GCC2: variants seen among roughly 807,000 people sequenced by gnomAD.
The protein encoded by GCC2 is GRIP and coiled-coil domain-containing protein 2.
GCC2 carries 120 observed loss-of-function variants against 210.6 expected under a neutral mutation model. The observed-to-expected ratio is 0.57, with a 90% confidence interval of 0.49 to 0.66. GCC2 has a LOEUF of 0.66. Among genes scored for constraint, GCC2 ranks in the 30% least tolerant of loss-of-function variants. The probability of loss-of-function intolerance (pLI) is 0.00; values close to 1 mark genes in which losing one functional copy is unlikely to be tolerated. For synonymous variants in GCC2, 703 were observed against 652.7 expected, an observed-to-expected ratio of 1.08 and a Z score of -1.17; for missense variants, 1,868 against 1,871.9, an observed-to-expected ratio of 1.00 and a Z score of 0.04.
chr2:108,495,503 AAT>A lies in GCC2; in HGVS notation c.4642+21_4642+22del. ...TAAACTTGGTATGTTACTCTGTCTA[AAT>A]ATGTTTTTCTTATTTAATTTCACTG... is the stretch of plus-strand genomic sequence containing the variant. On this transcript the variant is annotated intron_variant, in intron 20 of 22. Coordinates refer to ENST00000309863, the MANE Select transcript of GCC2 (RefSeq NM_181453.4). The A allele has an allele frequency of 6.6e-7, 1 of 1,519,800 alleles. No homozygotes were observed. The allele number at this position is 1,519,800 out of a possible 1,614,324, so 94.1% of individuals were successfully genotyped here.
intron 9 of GCC2, among the ~76,000 whole-genome samples, chr2:108,480,792 A>T (rs1208975188): frequency 1.3e-5 from 2 of 152,190 alleles, no homozygotes; most frequent in Non-Finnish European, 2.9e-5. Context: ...AGGAAAAATA[A>T]CTAATGGGTA....
Position 108,497,126 on chromosome 2 carries a change from T to A in GCC2, c.4782+17T>A. The A allele has an allele frequency of 1.9e-6, 3 of 1,611,920 alleles. No individual in the cohort carries two copies. Among genetic ancestry groups the A allele is most frequent in the Non-Finnish European group, 1.7e-6 (2 of 1,179,820 alleles). On this transcript the variant is annotated intron_variant, in intron 21 of 22. Coordinates refer to ENST00000309863, the MANE Select transcript of GCC2 (RefSeq NM_181453.4). ...CAAATTAAGGTGAGATCAGAAAACCTGGCCGCCGTGAAAACCGCCAGTTTG... is the reference window on the plus strand; with the variant it reads ...CAAATTAAGGTGAGATCAGAAAACCAGGCCGCCGTGAAAACCGCCAGTTTG...
Position 108,449,393 on chromosome 2 carries a change from C to T in GCC2, c.6+113C>T. The stretch of plus-strand genomic sequence containing the variant: ...AGTCTCCCTCTTGGTGTCCCGAAGC[C>T]CGCGCTGCTGTCGCCTCCCCATCTT... On this transcript the variant is annotated intron_variant, in intron 1 of 22. Transcript: ENST00000309863. 4 of 1,466,248 alleles carry T rather than the reference C, an allele frequency of 2.7e-6. No individual in the cohort carries two copies. In the East Asian group the frequency reaches 7.5e-5, roughly 28 times the overall value. The allele number at this position is 1,466,248 out of a possible 1,614,324, so 90.8% of individuals were successfully genotyped here.
At chr2:108,461,672 T>C (rs1480336350) in intron 4 of GCC2, among the ~76,000 whole-genome samples, 2 of 151,288 alleles carry the variant, frequency 1.3e-5, no homozygotes, top group Non-Finnish European at 2.9e-5. Context: ...CCAGCTAATT[T>C]TTTGTATTTT....
At chr2:108,472,695 T>C in intron 6 of GCC2, 132 bp from the exon 7 acceptor site, 1 of 617,620 alleles carries the variant, frequency 1.6e-6, no homozygotes. Flanking sequence ...GTTGACCAAA[T>C]TGGTTTCTGT....
At chr2:108,465,544 C>A (rs1680836905) in intron 4 of GCC2, among the ~76,000 whole-genome samples, 1 of 152,144 alleles carries the variant, frequency 6.6e-6, no homozygotes, top group African/African-American at 2.4e-5. Flanking sequence ...CATTATATCA[C>A]TCTGTATGGC....
At chr2:108,468,864 C>T (rs1681039218) in intron 4 of GCC2, 116 bp from the exon 5 acceptor site, 3 of 673,062 alleles carry the variant, frequency 4.5e-6, no homozygotes, top group South Asian at 1.9e-5. Context: ...TGTGTTCTAC[C>T]TTTTAAAATC....
At chr2:108,479,980 C>CAAAAAA (rs200934785) in intron 9 of GCC2, among the ~76,000 whole-genome samples, 60 of 114,494 alleles carry the variant, frequency 5.2e-4, no homozygotes, top group African/African-American at 1.4e-3. Context: ...GACTCCATCT[C>CAAAAAA]AAAAAAAAAA....
Position 108,449,235 on chromosome 2 carries a change from TGGC to T in GCC2, c.-33_-31del. 1 of 1,545,326 alleles carries T rather than the reference TGGC, an allele frequency of 6.5e-7. No homozygotes were observed. The highest frequency in any genetic ancestry group is 8.8e-7 in the Non-Finnish European group (1 of 1,142,006). On this transcript the variant is annotated 5_prime_UTR_variant, in exon 1 of 23. Transcript: ENST00000309863. ...GCTGGCGCAAACAGAAGTGCAGCGG[TGGC>T]GGCGGCTGGTTGCGGGCCGGCGGCG...
chr2:108,506,691 A>G (rs552091499), intron 22 of GCC2, among the ~76,000 whole-genome samples: 138 of 152,334 alleles, frequency 9.1e-4, no homozygotes, highest in African/African-American at 3.1e-3. Context: ...TTTAGATTCT[A>G]AGTTGTATAT....
chr2:108,479,987 A>G (rs1193085835), intron 9 of GCC2, among the ~76,000 whole-genome samples: 1 of 27,266 alleles, frequency 3.7e-5, no homozygotes, highest in Non-Finnish European at 8.3e-5. Context: ...TCTCAAAAAA[A>G]AAAAAAAAAA....
At chr2:108,474,652 A>G (rs1169284006) in intron 7 of GCC2, 5 of 152,130 alleles carry the variant, frequency 3.3e-5, no homozygotes, top group Non-Finnish European at 7.4e-5. Context: ...GTGTGGTTTA[A>G]TTTTTTATTT....
intron 5 of GCC2, 49 bp from the exon 6 acceptor site, chr2:108,469,602 T>A (rs1305386708): frequency 7.5e-7 from 1 of 1,336,964 alleles, no homozygotes; most frequent in Non-Finnish European, 1.0e-6. Flanking sequence ...GGTCAGAGGC[T>A]CCTTTTGTCT....
chr2:108,489,580 A>G (rs966892927), intron 17 of GCC2, among the ~76,000 whole-genome samples: 2 of 151,974 alleles, frequency 1.3e-5, no homozygotes, highest in South Asian at 2.1e-4. Flanking sequence ...TAAATAGGCT[A>G]TTTTGATGCC....
intron 9 of GCC2, among the ~76,000 whole-genome samples, chr2:108,479,354 G>A (rs1037300341): frequency 2.6e-5 from 4 of 152,076 alleles, no homozygotes; most frequent in South Asian, 4.1e-4. Flanking sequence ...GATCTGGGAA[G>A]CAAGAGCCGG....
chr2:108,494,457 A>T (rs1002462018), intron 19 of GCC2: 2 of 152,176 alleles, frequency 1.3e-5, no homozygotes, highest in African/African-American at 4.8e-5. Flanking sequence ...CGTGCCCTGG[A>T]TTCTGGGCTC....
chr2:108,464,941 G>A (rs377208778), intron 4 of GCC2, among the ~76,000 whole-genome samples: 2 of 152,292 alleles, frequency 1.3e-5, no homozygotes, highest in East Asian at 1.9e-4. Context: ...GTCACATGGC[G>A]AAAGCAGGAG....
intron 8 of GCC2, 30 bp downstream of exon 8, chr2:108,475,665 G>T (rs3213886): frequency 6.9e-7 from 1 of 1,449,090 alleles, no homozygotes; most frequent in Non-Finnish European, 9.5e-7. Flanking sequence ...GTAAGATTCC[G>T]GAATCTCACA....
chr2:108,475,646 T>G lies in GCC2; in HGVS notation c.2961+11T>G, dbSNP rs1490746011. On this transcript the variant is annotated intron_variant, in intron 8 of 22. Transcript: ENST00000309863. ...TCCAGCAGAAAAGAGGTGAGCTGAC[T>G]TTAAAAATGTAAGATTCCGGAATCT... The G allele has an allele frequency of 1.3e-5, 20 of 1,506,186 alleles. No homozygotes were observed. The highest frequency in any genetic ancestry group is 1.8e-5 in the Non-Finnish European group (20 of 1,108,480). 93.3% of individuals were successfully genotyped at this position (1,506,186 alleles called of 1,614,324 possible). A position where few individuals can be genotyped will look rare whatever the true frequency, so the allele number is the denominator to read the frequency against.
Sources: allele counts gnomAD v4.1 joint callset (sites outside exome capture counted in the v4.1 genomes callset), GRCh38; gene constraint gnomAD v4.1.1; transcripts MANE v1.5; gene names NCBI Gene and HGNC (gene_info 2026-07-23, HGNC 2026-07-21).